Variants in ADAMTSL1 observed in about 807,000 individuals in gnomAD.
ADAMTSL1 encodes the protein ADAMTS like 1.
Under a neutral mutation model 201.8 loss-of-function variants are expected in ADAMTSL1, and 126 were observed. The observed-to-expected ratio is 0.62, with a 90% CI of 0.54 to 0.72. ADAMTSL1 has a LOEUF of 0.72. Among genes scored for constraint, ADAMTSL1 ranks in the 30% least tolerant of loss-of-function variants. The probability of loss-of-function intolerance (pLI) is 0.00; values close to 1 mark genes in which losing one functional copy is unlikely to be tolerated. For missense variants in ADAMTSL1, 2,679 were observed against 2,277.8 expected (o/e 1.18, Z -3.59); for synonymous variants, 1,121 against 903.4 (o/e 1.24, Z -4.32).
chr9:18,377,261 C>T (rs1183976712), intron 2 of ADAMTSL1, among the ~76,000 whole-genome samples: 1 of 152,194 alleles, frequency 6.6e-6, no homozygotes, highest in African/African-American at 2.4e-5. Flanking sequence ...AATGTAATTG[C>T]ACCTCTTGCT....
chr9:18,824,036 C>CGAAGGAAGGAAG (rs72217621), intron 21 of ADAMTSL1, among the ~76,000 whole-genome samples: 1 of 147,322 alleles, frequency 6.8e-6, no homozygotes, highest in Non-Finnish European at 1.5e-5. Flanking sequence ...AAGGAAGGAA[C>CGAAGGAAGGAAG]GAAGGAAGGA....
chr9:17,955,911 T>C (rs1353507580), intron 1 of ADAMTSL1, among the ~76,000 whole-genome samples: 2 of 152,174 alleles, frequency 1.3e-5, no homozygotes, highest in African/African-American at 2.4e-5. Context: ...GACTGTTGTG[T>C]AATATGTTTT....
At chr9:18,248,208 A>G (rs184476103) in intron 2 of ADAMTSL1, among the ~76,000 whole-genome samples, 22 of 152,324 alleles carry the variant, frequency 1.4e-4, no homozygotes, top group African/African-American at 5.3e-4. Flanking sequence ...CACGTTGCTC[A>G]TTCTGTATGG....
At chr9:18,161,296 GT>G (rs1346566893) in intron 1 of ADAMTSL1, among the ~76,000 whole-genome samples, 4 of 151,972 alleles carry the variant, frequency 2.6e-5, no homozygotes, top group Admixed American at 6.6e-5. Flanking sequence ...TATTTAATTG[GT>G]TTAGCAAAAG....
At chr9:18,704,734 A>C (rs1378434040) in intron 13 of ADAMTSL1, among the ~76,000 whole-genome samples, 1 of 152,192 alleles carries the variant, frequency 6.6e-6, no homozygotes, top group African/African-American at 2.4e-5. Flanking sequence ...GTCATTTTTT[A>C]AAGCAAGAAG....
chr9:18,166,910 G>A (rs908268833), intron 2 of ADAMTSL1, among the ~76,000 whole-genome samples: 1 of 151,792 alleles, frequency 6.6e-6, no homozygotes, highest in Non-Finnish European at 1.5e-5. Context: ...CCTTCTCAAC[G>A]AGGACCTATT....
chr9:18,492,616 A>G (rs1000206667), intron 1 of ADAMTSL1, among the ~76,000 whole-genome samples: 3 of 152,214 alleles, frequency 2.0e-5, no homozygotes, highest in Admixed American at 6.5e-5. Flanking sequence ...TTCATGTATT[A>G]GCACTTATAT....
intron 2 of ADAMTSL1, among the ~76,000 whole-genome samples, chr9:18,232,268 T>C (rs182881889): frequency 2.0e-5 from 3 of 152,244 alleles, no homozygotes; most frequent in East Asian, 3.9e-4. Flanking sequence ...GGACTGCTCT[T>C]CCCCTAGATA....
intron 23 of ADAMTSL1, among the ~76,000 whole-genome samples, chr9:18,874,818 T>C (rs374891999): frequency 2.6e-4 from 40 of 152,288 alleles, no homozygotes; most frequent in Admixed American, 2.3e-3. Flanking sequence ...CTCTTTTTTT[T>C]TGGAATAGTT....
chr9:18,660,050 G>A (rs1828975154), intron 8 of ADAMTSL1, among the ~76,000 whole-genome samples: 1 of 152,138 alleles, frequency 6.6e-6, no homozygotes, highest in African/African-American at 2.4e-5. Flanking sequence ...ATTGATGTTA[G>A]ATTTACATGT....
chr9:18,097,870 T>C (rs1824323465), intron 1 of ADAMTSL1, among the ~76,000 whole-genome samples: 1 of 152,044 alleles, frequency 6.6e-6, no homozygotes, highest in Non-Finnish European at 1.5e-5. Flanking sequence ...TATTGTTTTT[T>C]TTTTGAGTGT....
intron 9 of ADAMTSL1, among the ~76,000 whole-genome samples, chr9:18,666,460 C>T (rs1829440740): frequency 6.6e-6 from 1 of 152,134 alleles, no homozygotes; most frequent in South Asian, 2.1e-4. Flanking sequence ...AATGGGCATT[C>T]CCAGAAGTCC....
At chr9:18,087,452 G>T (rs1324599627) in intron 1 of ADAMTSL1, among the ~76,000 whole-genome samples, 1 of 152,096 alleles carries the variant, frequency 6.6e-6, no homozygotes, top group African/African-American at 2.4e-5. Flanking sequence ...TAATATGAAA[G>T]TGGTAAGTTC....
chr9:18,847,897 G>C (rs1403076162), intron 23 of ADAMTSL1, among the ~76,000 whole-genome samples: 4 of 152,200 alleles, frequency 2.6e-5, no homozygotes, highest in Non-Finnish European at 5.9e-5. Context: ...ATCTATAAAT[G>C]CTCACATTTA....
At chr9:17,981,325 A>G (rs1002678779) in intron 1 of ADAMTSL1, among the ~76,000 whole-genome samples, 4 of 152,252 alleles carry the variant, frequency 2.6e-5, no homozygotes, top group Non-Finnish European at 5.9e-5. Context: ...TGAACTGAGT[A>G]GAACAGTCAC....
At chr9:18,220,995 A>C (rs1587341231) in intron 2 of ADAMTSL1, among the ~76,000 whole-genome samples, 1 of 152,016 alleles carries the variant, frequency 6.6e-6, no homozygotes, top group Admixed American at 6.6e-5. Flanking sequence ...GGCTGGTCTC[A>C]AACTCATGAG....
intron 1 of ADAMTSL1, among the ~76,000 whole-genome samples, chr9:18,052,039 T>C (rs1821963377): frequency 6.6e-6 from 1 of 152,216 alleles, no homozygotes; most frequent in Admixed American, 6.5e-5. Flanking sequence ...AAGTTCAAGA[T>C]ATAAACAGAT....
chr9:18,594,629 C>G (rs1824143298), intron 4 of ADAMTSL1, among the ~76,000 whole-genome samples: 1 of 152,134 alleles, frequency 6.6e-6, no homozygotes, highest in Non-Finnish European at 1.5e-5. Context: ...TCACTTTATT[C>G]ATTATATGTT....
intron 16 of ADAMTSL1, among the ~76,000 whole-genome samples, chr9:18,759,299 G>A (rs1819938593): frequency 6.6e-6 from 1 of 152,124 alleles, no homozygotes; most frequent in African/African-American, 2.4e-5. Flanking sequence ...GTCCCTGCTA[G>A]TGATACAAAG....
Sources: allele counts gnomAD v4.1 joint callset (sites outside exome capture counted in the v4.1 genomes callset), GRCh38; gene constraint gnomAD v4.1.1; transcripts MANE v1.5; gene names NCBI Gene and HGNC (gene_info 2026-07-23, HGNC 2026-07-21).